Variants in INPP5B observed in about 807,000 individuals in gnomAD.
INPP5B encodes inositol polyphosphate-5-phosphatase B, also known as type II inositol 1,4,5-trisphosphate 5-phosphatase.
INPP5B carries 90 observed loss-of-function variants against 118.5 expected under a neutral mutation model. The observed-to-expected ratio is 0.76, with a 90% CI of 0.64 to 0.90. The LOEUF (loss-of-function observed/expected upper bound fraction) is 0.90, where lower values mean the gene tolerates loss of function less well. Among genes scored for constraint, INPP5B ranks in the 40% least tolerant of loss-of-function variants. The pLI is 0.00. For missense variants in INPP5B, 984 were observed against 1,125.6 expected (o/e 0.87, Z 1.80); for synonymous variants, 385 against 418.9 (o/e 0.92, Z 0.99).
intron 12 of INPP5B, among the ~76,000 whole-genome samples, chr1:37,886,481 T>C (rs533422101): frequency 3.5e-4 from 54 of 152,272 alleles, no homozygotes; most frequent in African/African-American, 1.2e-3. Context: ...AAACCATAGG[T>C]ACCCTTTGAA....
chr1:37,877,141 T>C (rs1019855545), intron 16 of INPP5B, among the ~76,000 whole-genome samples: 1 of 151,130 alleles, frequency 6.6e-6, no homozygotes, highest in Non-Finnish European at 1.5e-5. Context: ...CCGAGTCAGG[T>C]GGATCACGAG....
intron 7 of INPP5B, among the ~76,000 whole-genome samples, chr1:37,919,389 A>T (rs1380215622): frequency 3.3e-5 from 5 of 152,126 alleles, no homozygotes; most frequent in Non-Finnish European, 7.4e-5. Flanking sequence ...CCTGCAAACC[A>T]TGTGCTTCAG....
intron 7 of INPP5B, among the ~76,000 whole-genome samples, chr1:37,923,158 T>A (rs1645113795): frequency 6.6e-6 from 1 of 152,176 alleles, no homozygotes. Flanking sequence ...GAGACAGACA[T>A]TTTTTGAGCA....
Position 37,862,340 on chromosome 1 carries a change from T to G in INPP5B, c.2717A>C (p.His906Pro), listed in dbSNP as rs1569917060. The G allele has an allele frequency of 6.2e-7, 1 of 1,613,852 alleles. No homozygotes were observed. The highest frequency in any genetic ancestry group is 8.5e-7 in the Non-Finnish European group (1 of 1,179,730). The stretch of plus-strand genomic sequence containing the variant: ...TCAGAGTGGGTTGCAGAGGAACTGG[T>G]GAATAAATTCTTGAGCCTTCTTCTT... Reference protein sequence around the residue: ...TEKKKAQEFIHQFLCNPL With the variant: ...TEKKKAQEFIPQFLCNPL Residue 906 changes from histidine (H) to proline (P), a missense_variant, in exon 24 of 24, where the codon CAC becomes CCC. By Grantham distance (77) the His-to-Pro change is moderately conservative. This residue lies in a region of INPP5B where 634 missense variants were observed against 791.0 expected (regional missense o/e 0.80). Transcript: ENST00000373024.
intron 9 of INPP5B, 131 bp downstream of exon 9, chr1:37,889,426 A>C (rs1049392566): frequency 1.4e-6 from 1 of 708,834 alleles, no homozygotes; most frequent in Non-Finnish European, 2.3e-6. Flanking sequence ...GGAATCACTC[A>C]TTTTGAAAAT....
intron 6 of INPP5B, among the ~76,000 whole-genome samples, chr1:37,939,047 A>G (rs546042775): frequency 5.3e-5 from 8 of 152,098 alleles, no homozygotes; most frequent in Admixed American, 3.9e-4. Flanking sequence ...TCCAAAAATC[A>G]GCTGGGCGTG....
rs1055135742 is a variant in INPP5B at position 37,946,447 on chromosome 1, G to A, written c.-26-113C>T. ...GGAGGGGCCTTTGCAGAGGGAGATG[G>A]TACCGGGGAGGCCTGATCCTCCTCC... is the stretch of plus-strand genomic sequence containing the variant. On this transcript the variant is annotated intron_variant, in intron 1 of 23. Transcript: ENST00000373024. 6 of 706,820 alleles carry A rather than the reference G, an allele frequency of 8.5e-6. No homozygotes were observed. The Middle Eastern group carries it at 1.1e-3, about 124-fold the overall frequency. 43.8% of individuals were successfully genotyped at this position (706,820 alleles called of 1,614,324 possible).
chr1:37,916,566 G>A (rs1344480215), intron 7 of INPP5B, among the ~76,000 whole-genome samples: 6 of 151,578 alleles, frequency 4.0e-5, no homozygotes, highest in Non-Finnish European at 8.8e-5. Flanking sequence ...ACAGGCATGC[G>A]CCACTACGCC....
intron 6 of INPP5B, among the ~76,000 whole-genome samples, chr1:37,935,761 C>G (rs532545113): frequency 8.5e-5 from 13 of 152,214 alleles, no homozygotes; most frequent in Middle Eastern, 3.4e-3. Context: ...TTATCACTCT[C>G]CAGCTTAAAA....
intron 14 of INPP5B, among the ~76,000 whole-genome samples, chr1:37,881,326 T>C (rs1643186424): frequency 6.6e-6 from 1 of 152,200 alleles, no homozygotes; most frequent in Non-Finnish European, 1.5e-5. Flanking sequence ...AAACAGTGCC[T>C]GACACATTAG....
intron 7 of INPP5B, chr1:37,931,327 C>A: frequency 2.2e-6 from 2 of 925,736 alleles, no homozygotes; most frequent in Non-Finnish European, 3.0e-6. Flanking sequence ...ACGCGACAAA[C>A]TCGGAAGATC....
Position 37,904,123 on chromosome 1 carries a change from G to A in INPP5B, c.533-12669C>T, listed in dbSNP as rs564673712. 1.6e-4 allele frequency among the ~76,000 whole-genome samples: 24 copies of A among 145,518 alleles called. 1 individual carries two copies. Among genetic ancestry groups the A allele is most frequent in the Non-Finnish European group, 2.9e-5 (2 of 67,956 alleles). On this transcript the variant is annotated intron_variant, in intron 7 of 23. Transcript: ENST00000373024. ...AGACAGATCACGAGGTCAGGAATTT[G>A]AGACCAGCCTAGCCAACATGATGAA...
chr1:37,901,275 G>A (rs1023549647), intron 7 of INPP5B, among the ~76,000 whole-genome samples: 9 of 152,108 alleles, frequency 5.9e-5, no homozygotes, highest in East Asian at 3.9e-4. Context: ...GTCAGCTGAC[G>A]TCCAGCTCTA....
intron 7 of INPP5B, among the ~76,000 whole-genome samples, chr1:37,898,434 G>C (rs1261484249): frequency 6.6e-6 from 1 of 152,186 alleles, no homozygotes; most frequent in Admixed American, 6.5e-5. Flanking sequence ...GGTGGCGCAC[G>C]CCTGTAATCC....
At chr1:37,872,466 G>A (rs1439453645) in intron 19 of INPP5B, among the ~76,000 whole-genome samples, 8 of 151,630 alleles carry the variant, frequency 5.3e-5, no homozygotes, top group East Asian at 1.9e-4. Flanking sequence ...GGCAGAAGTG[G>A]CCTTGTATGC....
At chr1:37,931,355 T>C in intron 7 of INPP5B, 1 of 1,206,230 alleles carries the variant, frequency 8.3e-7, no homozygotes, top group Non-Finnish European at 1.1e-6. Flanking sequence ...AAGAGCAAGC[T>C]CAGATGGAGC....
chr1:37,943,880 T>A lies in INPP5B; in HGVS notation c.166A>T (p.Thr56Ser). The A allele has an allele frequency of 6.2e-7, 1 of 1,613,374 alleles. No individual in the cohort carries two copies. Among genetic ancestry groups the A allele is most frequent in the Non-Finnish European group, 8.5e-7 (1 of 1,179,552 alleles). The change falls in exon 4 of 24, where the codon ACG becomes TCG. Residue 56 changes from threonine (T) to serine (S), a missense_variant. By Grantham distance (58) the Thr-to-Ser change is moderately conservative. This residue lies in a region of INPP5B where 350 missense variants were observed against 334.6 expected (regional missense o/e 1.05). Transcript: ENST00000373024. ...GGQEHALFLY[T>S]HRRMAITGDD... Reference sequence around the variant, plus strand: ...CCGGTAATGGCCATCCTCCGGTGCGTATAGAGGAAGAGACTAAGGGCAGGA... The same window carrying A: ...CCGGTAATGGCCATCCTCCGGTGCGAATAGAGGAAGAGACTAAGGGCAGGA...
intron 7 of INPP5B, among the ~76,000 whole-genome samples, chr1:37,892,104 GA>G (rs1178330620): frequency 2.7e-4 from 41 of 152,174 alleles, no homozygotes; most frequent in African/African-American, 9.4e-4. Flanking sequence ...ATTACCTCCT[GA>G]CTTTGGAAAA....
intron 6 of INPP5B, among the ~76,000 whole-genome samples, chr1:37,939,244 A>G (rs1192958238): frequency 6.7e-6 from 1 of 149,496 alleles, no homozygotes; most frequent in Non-Finnish European, 1.5e-5. Context: ...GGCGCCTGTA[A>G]TCCCACCTAT....
Sources: gnomAD v4.1 joint callset for allele counts (sites outside exome capture counted in the v4.1 genomes callset) on GRCh38, gnomAD v4.1.1 for gene constraint, gnomAD v4.1.1 regional missense constraint, MANE v1.5 for transcripts, NCBI Gene and HGNC (gene_info 2026-07-23, HGNC 2026-07-21) for gene names.